Variants in ABCB1 observed in about 807,000 individuals in gnomAD.
ABCB1 encodes the protein ATP-dependent translocase ABCB1.
A neutral mutation model predicts 142.0 loss-of-function variants in ABCB1; 69 were observed. The observed-to-expected ratio is 0.49, with a 90% CI of 0.40 to 0.59. The LOEUF is 0.59. ABCB1 is among the 20% of genes least tolerant of loss of function. ABCB1 has a pLI of 0.00. For missense variants in ABCB1, 1,326 were observed against 1,554.7 expected (o/e 0.85, Z 2.47); for synonymous variants, 532 against 539.2 (o/e 0.99, Z 0.18).
At chr7:87,521,537 T>C in intron 21 of ABCB1, 1 of 757,612 alleles carries the variant, frequency 1.3e-6, no homozygotes, top group Non-Finnish European at 2.4e-6. Context: ...CTACATTGGT[T>C]GACCAATGAG....
rs118125391 is a variant in ABCB1, at chr7:87,540,243, C to T, written c.2320-898G>A. ...ATTAATAAGTGATTACCTACTACTG[C>T]CTCATGCAGGCCTGAGCACTTGGTC... On this transcript the variant is annotated intron_variant, in intron 18 of 27. Transcript: ENST00000622132. 4.1e-4 allele frequency among the ~76,000 whole-genome samples: 63 copies of T among 152,296 alleles called. 1 individual carries two copies. The East Asian group carries it at 9.1e-3, about 22-fold the overall frequency.
chr7:87,579,653 A>G (rs1818423964), intron 4 of ABCB1, among the ~76,000 whole-genome samples: 1 of 152,092 alleles, frequency 6.6e-6, no homozygotes, highest in South Asian at 2.1e-4. Flanking sequence ...TTTAGATTCA[A>G]TGTTATTATT....
intron 1 of ABCB1, chr7:87,709,564 A>T: frequency 1.0e-6 from 1 of 965,966 alleles, no homozygotes; most frequent in Non-Finnish European, 1.2e-6. Flanking sequence ...TCTTCCCAGT[A>T]GTACTGCTGC....
intron 1 of ABCB1, among the ~76,000 whole-genome samples, chr7:87,607,695 G>T (rs976634500): frequency 6.6e-6 from 1 of 151,888 alleles, no homozygotes; most frequent in African/African-American, 2.4e-5. Context: ...GGGACCAAAG[G>T]TGTGCGCCAC....
intron 26 of ABCB1, among the ~76,000 whole-genome samples, chr7:87,507,570 A>G (rs1282605859): frequency 6.6e-6 from 1 of 152,166 alleles, no homozygotes; most frequent in African/African-American, 2.4e-5. Flanking sequence ...AGTGGGAGAC[A>G]AGGCCACCTC....
At chr7:87,672,256 G>C (rs1825898346) in intron 1 of ABCB1, among the ~76,000 whole-genome samples, 1 of 152,234 alleles carries the variant, frequency 6.6e-6, no homozygotes, top group Admixed American at 6.5e-5. Flanking sequence ...TAAAGTAGCA[G>C]TCTAGCCACA....
intron 2 of ABCB1, among the ~76,000 whole-genome samples, chr7:87,596,162 T>G (rs1819201161): frequency 6.6e-6 from 1 of 152,054 alleles, no homozygotes. Flanking sequence ...CTGTTTTTAT[T>G]CTAATTAGAA....
intron 3 of ABCB1, among the ~76,000 whole-genome samples, chr7:87,590,192 T>C (rs1818941563): frequency 6.6e-6 from 1 of 152,128 alleles, no homozygotes; most frequent in Admixed American, 6.5e-5. Context: ...CAACAGTGAG[T>C]AAGAAAAGCT....
At chr7:87,602,364 T>A (rs1012732633), upstream of ABCB1, among the ~76,000 whole-genome samples, 1 of 147,722 alleles carries the variant, frequency 6.8e-6, no homozygotes, top group Non-Finnish European at 1.5e-5. Flanking sequence ...TTTTTCCACA[T>A]GTTCTAATTG....
chr7:87,665,713 C>G (rs916411346), intron 1 of ABCB1, among the ~76,000 whole-genome samples: 3 of 152,004 alleles, frequency 2.0e-5, no homozygotes, highest in African/African-American at 7.2e-5. Context: ...TCAAGTAGAC[C>G]TCAGAGTTTG....
chr7:87,554,057 C>G (rs1817209712), intron 8 of ABCB1, 125 bp from the exon 9 acceptor site: 4 of 838,780 alleles, frequency 4.8e-6, no homozygotes, highest in Non-Finnish European at 7.8e-6. Flanking sequence ...TCCTGCTGCT[C>G]ATACATTGAC....
At chr7:87,558,845 G>T (rs984022827) in intron 8 of ABCB1, among the ~76,000 whole-genome samples, 1 of 151,528 alleles carries the variant, frequency 6.6e-6, no homozygotes, top group African/African-American at 2.4e-5. Context: ...TTTTCTTTTA[G>T]TCTATTAATA....
At chr7:87,518,290 G>A (rs996410955) in intron 23 of ABCB1, among the ~76,000 whole-genome samples, 2 of 152,126 alleles carry the variant, frequency 1.3e-5, no homozygotes, top group African/African-American at 4.8e-5. Context: ...CTTCAGACAG[G>A]TCTTCCTTTT....
At chr7:87,686,418 T>TA (rs1375717713) in intron 1 of ABCB1, among the ~76,000 whole-genome samples, 2 of 152,118 alleles carry the variant, frequency 1.3e-5, no homozygotes, top group Non-Finnish European at 2.9e-5. Context: ...GGGAAGGCTT[T>TA]ACACAAGAAA....
intron 1 of ABCB1, among the ~76,000 whole-genome samples, chr7:87,613,257 C>CTTTTTTTTTTTTT (rs67823385): frequency 1.0e-3 from 64 of 64,192 alleles, no homozygotes; most frequent in Admixed American, 1.7e-3. Flanking sequence ...TCCTTTATTT[C>CTTTTTTTTTTTTT]TTTTTTTTTT....
chr7:87,525,901 C>T (rs929977321), intron 21 of ABCB1, among the ~76,000 whole-genome samples: 1 of 152,110 alleles, frequency 6.6e-6, no homozygotes, highest in Non-Finnish European at 1.5e-5. Flanking sequence ...CCACTGTTTG[C>T]TTCAGTTTCA....
chr7:87,519,281 C>A (rs1222658499), intron 23 of ABCB1, 45 bp downstream of exon 23: 1 of 1,573,346 alleles, frequency 6.4e-7, no homozygotes, highest in South Asian at 1.1e-5. Flanking sequence ...ATGTTCATCC[C>A]AGCTTTATTT....
intron 19 of ABCB1, among the ~76,000 whole-genome samples, chr7:87,538,624 G>T (rs1367432426): frequency 6.6e-6 from 1 of 152,124 alleles, no homozygotes; most frequent in Non-Finnish European, 1.5e-5. Context: ...TTTCATGATT[G>T]TTAAAGGAAC....
chr7:87,640,166 C>A (rs1156831147), intron 1 of ABCB1, among the ~76,000 whole-genome samples: 1 of 148,918 alleles, frequency 6.7e-6, no homozygotes, highest in Admixed American at 6.7e-5. Context: ...TCCCCCACAT[C>A]CTAAAACATA....
Sources: gnomAD v4.1 joint callset for allele counts (sites outside exome capture counted in the v4.1 genomes callset) on GRCh38, gnomAD v4.1.1 for gene constraint, MANE v1.5 for transcripts, NCBI Gene and HGNC (gene_info 2026-07-23, HGNC 2026-07-21) for gene names.